The following MAD1L1 variants were observed in gnomAD, a reference collection of about 807,000 sequenced individuals.
The protein encoded by MAD1L1 is mitotic spindle assembly checkpoint protein MAD1.
Under a neutral mutation model 96.9 loss-of-function variants are expected in MAD1L1, and 95 were observed. The ratio of observed to expected loss-of-function variants is 0.98; its 90% CI spans 0.83 to 1.16. The LOEUF (loss-of-function observed/expected upper bound fraction) is 1.16, where lower values mean the gene tolerates loss of function less well. Among genes scored for constraint, MAD1L1 ranks in the 50% most tolerant of loss-of-function variants. The pLI, the probability that MAD1L1 is intolerant of heterozygous loss-of-function variation, is 0.00. For synonymous variants in MAD1L1, 473 were observed against 396.6 expected (o/e 1.19, Z -2.29); for missense variants, 1,007 against 954.4 (o/e 1.06, Z -0.73).
chr7:1,946,001 G>A (rs1452481651), intron 16 of MAD1L1, among the ~76,000 whole-genome samples: 1 of 152,132 alleles, frequency 6.6e-6, no homozygotes, highest in African/African-American at 2.4e-5. Context: ...AGTGGGTTCT[G>A]CACTGGGGCC....
At chr7:1,855,715 C>G (rs984532150) in intron 18 of MAD1L1, among the ~76,000 whole-genome samples, 6 of 152,296 alleles carry the variant, frequency 3.9e-5, no homozygotes, top group Admixed American at 6.5e-5. Flanking sequence ...CCTCCTGAGC[C>G]CTCACCAGCA....
chr7:2,120,431 C>G (rs894301221), intron 11 of MAD1L1, among the ~76,000 whole-genome samples: 1 of 152,264 alleles, frequency 6.6e-6, no homozygotes, highest in Non-Finnish European at 1.5e-5. Context: ...CCCTGGAGAG[C>G]CTGGGGGCGC....
intron 11 of MAD1L1, among the ~76,000 whole-genome samples, chr7:2,083,019 A>T (rs1459327648): frequency 6.6e-6 from 1 of 152,180 alleles, no homozygotes; most frequent in African/African-American, 2.4e-5. Flanking sequence ...TCAATCAGGA[A>T]CGGGTGGCAC....
intron 17 of MAD1L1, among the ~76,000 whole-genome samples, chr7:1,901,369 G>A (rs1442089603): frequency 6.6e-6 from 1 of 152,220 alleles, no homozygotes; most frequent in Admixed American, 6.5e-5. Flanking sequence ...GGTTCCTCTG[G>A]ACTGGGTTCT....
intron 12 of MAD1L1, among the ~76,000 whole-genome samples, chr7:2,061,305 C>G (rs112239528): frequency 0.013 from 2,002 of 152,112 alleles, 19 homozygotes; most frequent in Non-Finnish European, 0.023. Flanking sequence ...CCATTGCACT[C>G]CAGCCTGGGC....
chr7:2,134,321 T>C (rs1428775651), intron 11 of MAD1L1, among the ~76,000 whole-genome samples: 1 of 152,230 alleles, frequency 6.6e-6, no homozygotes, highest in East Asian at 1.9e-4. Context: ...GGAAAGCAGC[T>C]GACGGCGTGT....
chr7:2,117,630 A>G (rs895153287), intron 11 of MAD1L1, among the ~76,000 whole-genome samples: 1 of 152,146 alleles, frequency 6.6e-6, no homozygotes, highest in African/African-American at 2.4e-5. Context: ...CCTTCCTGTC[A>G]CCATGTAAAG....
chr7:2,190,066 C>G (rs1632674), intron 10 of MAD1L1, among the ~76,000 whole-genome samples: 9,148 of 152,184 alleles, frequency 0.06, 666 homozygotes, highest in African/African-American at 0.17. Context: ...AAAGCTAAAT[C>G]TAAAATTTAT....
At chr7:2,104,662 T>C (rs967389357) in intron 11 of MAD1L1, among the ~76,000 whole-genome samples, 1 of 111,972 alleles carries the variant, frequency 8.9e-6, no homozygotes, top group African/African-American at 2.6e-5. Flanking sequence ...GTTTTATACT[T>C]ACATGCCTCA....
intron 18 of MAD1L1, among the ~76,000 whole-genome samples, chr7:1,819,011 C>G (rs1319358101): frequency 6.6e-6 from 1 of 152,082 alleles, no homozygotes; most frequent in East Asian, 1.9e-4. Flanking sequence ...TCCGTTTCCC[C>G]CAGCGTACCC....
chr7:2,077,087 T>TTGGTGAGCCCGCGGCA (rs1038367795), intron 11 of MAD1L1, among the ~76,000 whole-genome samples: 1 of 123,104 alleles, frequency 8.1e-6, no homozygotes, highest in Non-Finnish European at 1.7e-5. Flanking sequence ...GAGTTACGAC[T>TTGGTGAGCCCGCGGCA]TGGTGAGCCC....
chr7:1,835,024 A>G (rs1252388815), intron 18 of MAD1L1, among the ~76,000 whole-genome samples: 1 of 151,990 alleles, frequency 6.6e-6, no homozygotes, highest in African/African-American at 2.4e-5. Flanking sequence ...AAATCAAAGT[A>G]ATTCCACATA....
intron 18 of MAD1L1, among the ~76,000 whole-genome samples, chr7:1,867,448 G>A (rs937346865): frequency 6.6e-6 from 1 of 152,218 alleles, no homozygotes; most frequent in African/African-American, 2.4e-5. Flanking sequence ...TTCCTCTGGG[G>A]GCCGCAGGAA....
chr7:2,106,533 G>A (rs1396135214), intron 11 of MAD1L1, among the ~76,000 whole-genome samples: 3 of 152,056 alleles, frequency 2.0e-5, no homozygotes, highest in South Asian at 2.1e-4. Flanking sequence ...AGGAGGACAC[G>A]TGAGCTCCAC....
intron 17 of MAD1L1, among the ~76,000 whole-genome samples, chr7:1,907,868 C>T (rs968103833): frequency 1.8e-4 from 27 of 152,142 alleles, no homozygotes; most frequent in Non-Finnish European, 3.1e-4. Context: ...GGGGGCAGTG[C>T]GGTCTGGGCC....
chr7:2,224,834 G>A (rs1793798082), intron 4 of MAD1L1, among the ~76,000 whole-genome samples: 1 of 152,140 alleles, frequency 6.6e-6, no homozygotes, highest in Non-Finnish European at 1.5e-5. Context: ...GGAGCCAGGA[G>A]CAACACAGAG....
Position 2,067,842 on chromosome 7 carries a change from G to T in MAD1L1, c.1218+1352C>A, listed in dbSNP as rs553517948. ...AGCCCTTCTGCGGCACCACCACGGC[G>T]TCCACCTCTGTTGAGGTGCGTGGCA... is the stretch of plus-strand genomic sequence containing the variant. On this transcript the variant is annotated intron_variant, in intron 12 of 18. Coordinates refer to ENST00000265854, the MANE Select transcript of MAD1L1 (RefSeq NM_001013836.2). Among the ~76,000 whole-genome samples, 3 of 152,204 alleles carry T rather than the reference G, an allele frequency of 2.0e-5. No individual in the cohort carries two copies. In the East Asian group the frequency reaches 5.8e-4, roughly 29 times the overall value.
rs539371015 is a variant in MAD1L1, at chr7:2,217,885, G to A, written c.678+77C>T. 4.2e-4 allele frequency: 518 copies of A among 1,242,042 alleles called. 8 individuals are homozygous for A. In the South Asian group the frequency reaches 5.5e-3, roughly 13 times the overall value. The allele number at this position is 1,242,042 out of a possible 1,614,324, so 76.9% of individuals were successfully genotyped here. A position where few individuals can be genotyped will look rare whatever the true frequency, so the allele number is the denominator to read the frequency against. On this transcript the variant is annotated intron_variant, in intron 7 of 18. Coordinates refer to ENST00000265854, the MANE Select transcript of MAD1L1 (RefSeq NM_001013836.2). ...AAGGACCACGGAGCTCGGCACCAGC[G>A]CAGAAAGGCCGACAGGGGCAGGAGA...
At chr7:2,155,425 T>G (rs1368930957) in intron 10 of MAD1L1, among the ~76,000 whole-genome samples, 1 of 152,214 alleles carries the variant, frequency 6.6e-6, no homozygotes, top group African/African-American at 2.4e-5. Context: ...CCAGAACTCT[T>G]AATTTTGCAA....
Sources: allele counts gnomAD v4.1 joint callset (sites outside exome capture counted in the v4.1 genomes callset), GRCh38; gene constraint gnomAD v4.1.1; transcripts MANE v1.5; gene names NCBI Gene and HGNC (gene_info 2026-07-23, HGNC 2026-07-21).